Variants in BAD observed in about 807,000 individuals in gnomAD.
The protein encoded by BAD is BCL2 associated agonist of cell death.
A neutral mutation model predicts 17.8 loss-of-function variants in BAD; 18 were observed. That is an observed-to-expected ratio of 1.01 (90% CI 0.70 to 1.50). The LOEUF (loss-of-function observed/expected upper bound fraction) is 1.50. Among genes scored for constraint, BAD ranks in the 40% most tolerant of loss-of-function variants. The pLI, the probability that BAD is intolerant of heterozygous loss-of-function variation, is 0.00. For synonymous variants in BAD, 112 were observed against 91.5 expected (o/e 1.22, Z -1.28); for missense variants, 294 against 239.3 (o/e 1.23, Z -1.51).
chr11:64,269,837 C>G lies in BAD; in HGVS notation c.*372G>C, dbSNP rs1440135111. ...GACGCACAGAAAAGCCTCGGCGGCA[C>G]AGACGCGGGCTTTATTAACATTTGG... On this transcript the variant is annotated 3_prime_UTR_variant, in exon 4 of 4. Coordinates refer to ENST00000309032, the MANE Select transcript of BAD (RefSeq NM_032989.3). The G allele has an allele frequency of 2.9e-6, 2 of 692,658 alleles. No homozygotes were observed. The highest frequency in any genetic ancestry group is 1.8e-5 in the African/African-American group (1 of 56,914). The allele number at this position is 692,658 out of a possible 1,614,324, so 42.9% of individuals were successfully genotyped here. A position where few individuals can be genotyped will look rare whatever the true frequency, so the allele number is the denominator to read the frequency against.
chr11:64,274,763 G>A (rs1373645329), intron 2 of BAD, among the ~76,000 whole-genome samples: 1 of 151,976 alleles, frequency 6.6e-6, no homozygotes, highest in East Asian at 1.9e-4. Context: ...AGAGGTTGCA[G>A]TGAGCCGAGA....
chr11:64,282,149 G>A (rs1052603935), intron 2 of BAD, among the ~76,000 whole-genome samples: 3 of 152,194 alleles, frequency 2.0e-5, no homozygotes, highest in African/African-American at 4.8e-5. Context: ...GATTCCTGAC[G>A]CTTGGGTTCA....
At chr11:64,275,220 G>C (rs1014235968) in intron 2 of BAD, among the ~76,000 whole-genome samples, 16 of 151,870 alleles carry the variant, frequency 1.1e-4, no homozygotes, top group African/African-American at 3.6e-4. Context: ...ACAGCCAGGC[G>C]TGGCGGCTCA....
In BAD at chr11:64,269,866, T is replaced by C. The variant is rs2032372961; in HGVS notation, c.*343A>G. ...CGCGGGCTTTATTAACATTTGGTAG[T>C]GAGCACGGCCCCCAGGGCATCGCGG... On this transcript the variant is annotated 3_prime_UTR_variant, in exon 4 of 4. Transcript: ENST00000309032. The C allele has an allele frequency of 1.4e-6, 1 of 698,304 alleles. No individual in the cohort carries two copies. Among genetic ancestry groups the C allele is most frequent in the South Asian group, 1.5e-5 (1 of 66,632 alleles). 43.3% of individuals were successfully genotyped at this position (698,304 alleles called of 1,614,324 possible). A position where few individuals can be genotyped will look rare whatever the true frequency, so the allele number is the denominator to read the frequency against.
chr11:64,284,027 G>A (rs146493876), intron 2 of BAD, among the ~76,000 whole-genome samples, 155 bp downstream of exon 2: 4 of 152,350 alleles, frequency 2.6e-5, no homozygotes, highest in African/African-American at 4.8e-5. Flanking sequence ...TACAATGGTG[G>A]TTATTAATTG....
At chr11:64,276,761 T>G (rs1591154713) in intron 2 of BAD, 1 of 593,136 alleles carries the variant, frequency 1.7e-6, no homozygotes, top group Non-Finnish European at 3.0e-6. Flanking sequence ...AGGGAAGGGG[T>G]GTGGCTCCTC....
chr11:64,280,093 G>T (rs889378820), intron 2 of BAD, among the ~76,000 whole-genome samples: 1 of 151,610 alleles, frequency 6.6e-6, no homozygotes, highest in Non-Finnish European at 1.5e-5. Flanking sequence ...CAAGGCGGGC[G>T]GATCACAAGG....
chr11:64,284,579 C>A, intron 1 of BAD, 52 bp downstream of exon 1: 1 of 1,493,130 alleles, frequency 6.7e-7, no homozygotes, highest in Non-Finnish European at 8.9e-7. Flanking sequence ...CCCTCAGAAC[C>A]CCGGTGGACC....
chr11:64,278,533 C>T (rs920407822), intron 2 of BAD, among the ~76,000 whole-genome samples: 7 of 152,114 alleles, frequency 4.6e-5, no homozygotes, highest in South Asian at 2.1e-4. Context: ...CACAGCCCTG[C>T]GAGGTGGGAC....
At chr11:64,279,540 G>A (rs1428435254) in intron 2 of BAD, among the ~76,000 whole-genome samples, 1 of 152,104 alleles carries the variant, frequency 6.6e-6, no homozygotes, top group Non-Finnish European at 1.5e-5. Context: ...GCTGAGGCGG[G>A]TGGATCACGA....
intron 2 of BAD, among the ~76,000 whole-genome samples, chr11:64,275,139 C>T (rs889771718): frequency 6.6e-6 from 1 of 151,676 alleles, no homozygotes; most frequent in African/African-American, 2.4e-5. Context: ...GGTGGGGATA[C>T]CTCAAGACCC....
At chr11:64,277,687 C>T (rs2033165612) in intron 2 of BAD, among the ~76,000 whole-genome samples, 1 of 152,162 alleles carries the variant, frequency 6.6e-6, no homozygotes, top group Non-Finnish European at 1.5e-5. Context: ...GATCCTCCTG[C>T]CTTGGCCTCC....
At chr11:64,277,407 G>GA (rs1054993656) in intron 2 of BAD, among the ~76,000 whole-genome samples, 2 of 152,188 alleles carry the variant, frequency 1.3e-5, no homozygotes, top group Non-Finnish European at 2.9e-5. Context: ...CATAAAATCA[G>GA]AAAGTACTCT....
rs750374497 is a variant in BAD at position 64,270,237 on chromosome 11, C to A, written c.479G>T (p.Gly160Val). 8 of 1,612,206 alleles carry A rather than the reference C, an allele frequency of 5.0e-6. No individual in the cohort carries two copies. Among genetic ancestry groups the A allele is most frequent in the East Asian group, 2.2e-5 (1 of 44,846 alleles). Reference protein sequence around the residue: ...VFQSWWDRNLGRGSSAPSQ With the variant: ...VFQSWWDRNLVRGSSAPSQ ...CTGGGAGGGGGCGGAGCTTCCCCTG[C>A]CCAAGTTCCGATCCCACCAGGACTG... The change falls in exon 4 of 4, where the codon GGC (glycine) becomes GTC (valine). Residue 160 changes from glycine to valine, a missense_variant. Gly to Val is a moderately radical substitution (Grantham distance 109, BLOSUM62 -3). Transcript: ENST00000309032.
chr11:64,272,922 A>T (rs896564770), intron 2 of BAD: 3 of 152,258 alleles, frequency 2.0e-5, no homozygotes, highest in Admixed American at 6.5e-5. Context: ...ACATAAAATT[A>T]AAAAATGTGA....
In BAD at chr11:64,277,540, C is replaced by T. The variant is rs572429361; in HGVS notation, c.188-5737G>A. Among the ~76,000 whole-genome samples, 15 of 152,336 alleles carry T rather than the reference C, an allele frequency of 9.8e-5. No homozygotes were observed. The South Asian group carries it at 2.7e-3, about 27-fold the overall frequency. On this transcript the variant is annotated intron_variant, in intron 2 of 3. Transcript: ENST00000309032. ...GCAGCCTCAAAATCCTAGGCGCAAT[C>T]GATCTTCCCACCTCAGCCTCCTGAG...
chr11:64,277,757 TC>T, intron 2 of BAD, among the ~76,000 whole-genome samples: 1 of 152,328 alleles, frequency 6.6e-6, no homozygotes, highest in Middle Eastern at 3.4e-3. Flanking sequence ...CACTTTCTTT[TC>T]CCTTTTCCTA....
At position 64,270,043 on chromosome 11, in the gene BAD, C is replaced by T; in HGVS notation, c.*166G>A. On this transcript the variant is annotated 3_prime_UTR_variant, in exon 4 of 4. Coordinates refer to ENST00000309032, the MANE Select transcript of BAD (RefSeq NM_032989.3). ...AAAACTTCCGATGGGACCAAGCCTT[C>T]CGTGGCTTCACACGCACCGGAAGGG... is the stretch of plus-strand genomic sequence containing the variant. 7.7e-7 allele frequency: 1 copy of T among 1,296,028 alleles called. No homozygotes were observed. The highest frequency in any genetic ancestry group is 1.1e-6 in the Non-Finnish European group (1 of 933,120). The allele number at this position is 1,296,028 out of a possible 1,614,324, so 80.3% of individuals were successfully genotyped here.
chr11:64,275,879 CATTT>C (rs2033021575), intron 2 of BAD: 1 of 152,064 alleles, frequency 6.6e-6, no homozygotes, highest in Non-Finnish European at 1.5e-5. Flanking sequence ...TGTATTCATT[CATTT>C]GATCCTTGCC....
Sources: allele counts gnomAD v4.1 joint callset (sites outside exome capture counted in the v4.1 genomes callset), GRCh38; gene constraint gnomAD v4.1.1; transcripts MANE v1.5; gene names NCBI Gene and HGNC (gene_info 2026-07-23, HGNC 2026-07-21).